KCNIP4: variants seen among roughly 807,000 people sequenced by gnomAD.
KCNIP4 encodes potassium voltage-gated channel interacting protein 4.
In KCNIP4, 12 loss-of-function variants were observed where a neutral mutation model predicts 34.0. The ratio of observed to expected loss-of-function variants is 0.35; its 90% CI spans 0.23 to 0.57. The LOEUF (loss-of-function observed/expected upper bound fraction) is 0.57, where lower values mean the gene tolerates loss of function less well. Ranked by LOEUF, KCNIP4 falls within the 20% of genes least tolerant of loss-of-function variation. KCNIP4 has a pLI of 0.83. For missense variants in KCNIP4, 238 were observed against 311.7 expected (o/e 0.76, Z 1.78); for synonymous variants, 124 against 102.2 (o/e 1.21, Z -1.29).
At chr4:21,368,803 C>G (rs1560335594) in intron 1 of KCNIP4, among the ~76,000 whole-genome samples, 2 of 147,564 alleles carry the variant, frequency 1.4e-5, no homozygotes, top group African/African-American at 2.7e-5. Context: ...GGATATAATT[C>G]TAGTTACTGT....
At chr4:20,813,903 T>A (rs868360955) in intron 3 of KCNIP4, among the ~76,000 whole-genome samples, 7 of 152,230 alleles carry the variant, frequency 4.6e-5, no homozygotes, top group Non-Finnish European at 1.0e-4. Context: ...ACATGCTTTT[T>A]TATTTAGCTG....
At chr4:21,382,215 C>T (rs1272601666) in intron 1 of KCNIP4, among the ~76,000 whole-genome samples, 4 of 152,088 alleles carry the variant, frequency 2.6e-5, no homozygotes, top group Non-Finnish European at 5.9e-5. Context: ...TTGAAAGAGA[C>T]AGTATGGCAG....
chr4:20,832,881 C>G (rs896012404), intron 3 of KCNIP4, among the ~76,000 whole-genome samples: 22 of 152,246 alleles, frequency 1.4e-4, no homozygotes, highest in South Asian at 1.0e-3. Context: ...ATTATCTGCT[C>G]TAGTGAACTG....
intron 1 of KCNIP4, among the ~76,000 whole-genome samples, chr4:21,935,962 T>TTATATATATATATATA (rs55704216): frequency 2.9e-4 from 43 of 148,044 alleles, no homozygotes; most frequent in African/African-American, 9.4e-4. Context: ...GAAATGAAGA[T>TTATATATATATATATA]TATATATATA....
intron 1 of KCNIP4, among the ~76,000 whole-genome samples, chr4:21,887,803 C>T (rs1726866592): frequency 6.6e-6 from 1 of 152,080 alleles, no homozygotes; most frequent in African/African-American, 2.4e-5. Context: ...TATTCTAACT[C>T]ATAAAGAAAA....
At chr4:21,751,224 G>A (rs1236730545) in intron 1 of KCNIP4, among the ~76,000 whole-genome samples, 1 of 152,052 alleles carries the variant, frequency 6.6e-6, no homozygotes, top group Non-Finnish European at 1.5e-5. Flanking sequence ...AAAGAGACTT[G>A]GAAAACATAA....
At chr4:21,328,023 A>G (rs1018905105) in intron 1 of KCNIP4, among the ~76,000 whole-genome samples, 1 of 152,120 alleles carries the variant, frequency 6.6e-6, no homozygotes, top group African/African-American at 2.4e-5. Flanking sequence ...ATCTGAAAAG[A>G]CACATAACTC....
intron 1 of KCNIP4, among the ~76,000 whole-genome samples, chr4:21,079,981 C>T (rs1337529825): frequency 7.2e-5 from 11 of 151,810 alleles, no homozygotes. Flanking sequence ...TTAGTGAAAC[C>T]CATTTCATAT....
intron 1 of KCNIP4, among the ~76,000 whole-genome samples, chr4:21,306,654 T>G (rs1362149783): frequency 1.3e-5 from 2 of 152,168 alleles, no homozygotes; most frequent in Admixed American, 1.3e-4. Context: ...GGATTAATAT[T>G]ACTTAAACAC....
chr4:21,429,975 T>C (rs1363776973), intron 1 of KCNIP4, among the ~76,000 whole-genome samples: 1 of 152,162 alleles, frequency 6.6e-6, no homozygotes, highest in Non-Finnish European at 1.5e-5. Flanking sequence ...ACTGTGAAGA[T>C]AAAGCAATTT....
chr4:20,924,999 C>T (rs1729754896), intron 1 of KCNIP4, among the ~76,000 whole-genome samples: 1 of 151,996 alleles, frequency 6.6e-6, no homozygotes, highest in Non-Finnish European at 1.5e-5. Context: ...CAAAAAAGCA[C>T]TTTTGAAATG....
At position 21,697,746 on chromosome 4, in the gene KCNIP4, G is replaced by A. The variant is rs114466136; in HGVS notation, c.61+250825C>T. 3.2e-4 allele frequency: 323 copies of A among 1,020,432 alleles called. 3 individuals carry two copies. The African/African-American group carries it at 4.4e-3, about 14-fold the overall frequency. 63.2% of individuals were successfully genotyped at this position (1,020,432 alleles called of 1,614,324 possible). A position where few individuals can be genotyped will look rare whatever the true frequency, so the allele number is the denominator to read the frequency against. ...ACTTGTAGTAACCCAGCTCTGGTTC[G>A]GCTCGGCATCCCCTCTCCAGAAGCA... On this transcript the variant is annotated intron_variant, in intron 1 of 8. Transcript: ENST00000382152.
intron 2 of KCNIP4, among the ~76,000 whole-genome samples, chr4:20,865,630 A>T (rs2149502073): frequency 6.6e-6 from 1 of 152,200 alleles, no homozygotes; most frequent in East Asian, 1.9e-4. Flanking sequence ...ATATTGCATG[A>T]TGTCATTTAC....
chr4:21,267,003 G>A (rs184387069), intron 1 of KCNIP4, among the ~76,000 whole-genome samples: 204 of 152,278 alleles, frequency 1.3e-3, no homozygotes, highest in African/African-American at 4.5e-3. Flanking sequence ...AAAATGAGAT[G>A]ACAGCTGCTA....
chr4:20,823,440 G>A (rs1306753108), intron 3 of KCNIP4, among the ~76,000 whole-genome samples: 1 of 152,088 alleles, frequency 6.6e-6, no homozygotes, highest in East Asian at 1.9e-4. Context: ...TCCCCTAACA[G>A]TCATAGGTTG....
intron 1 of KCNIP4, among the ~76,000 whole-genome samples, chr4:21,392,150 T>G (rs1722619705): frequency 6.6e-6 from 1 of 152,188 alleles, no homozygotes; most frequent in African/African-American, 2.4e-5. Context: ...ACTCTGGCAA[T>G]AAACTGCTGA....
At chr4:21,043,385 A>T (rs1284394252) in intron 1 of KCNIP4, among the ~76,000 whole-genome samples, 1 of 152,094 alleles carries the variant, frequency 6.6e-6, no homozygotes, top group Non-Finnish European at 1.5e-5. Flanking sequence ...GCTGGAGTGC[A>T]TTGGTGCGAT....
intron 1 of KCNIP4, among the ~76,000 whole-genome samples, chr4:21,045,612 A>G (rs1210280402): frequency 6.6e-6 from 1 of 152,206 alleles, no homozygotes; most frequent in Non-Finnish European, 1.5e-5. Context: ...CACTGAACGT[A>G]GATCGTGTAG....
chr4:21,722,029 A>G (rs1234783252), intron 1 of KCNIP4, among the ~76,000 whole-genome samples: 1 of 152,206 alleles, frequency 6.6e-6, no homozygotes, highest in African/African-American at 2.4e-5. Context: ...TTTCAAAGGT[A>G]TCTATGTTCT....
Sources: gnomAD v4.1 joint callset for allele counts (sites outside exome capture counted in the v4.1 genomes callset) on GRCh38, gnomAD v4.1.1 for gene constraint, MANE v1.5 for transcripts, NCBI Gene and HGNC (gene_info 2026-07-23, HGNC 2026-07-21) for gene names.